The following DENND1B variants were observed in gnomAD, a reference collection of about 807,000 sequenced individuals.
The protein encoded by DENND1B is DENN domain-containing protein 1B.
Under a neutral mutation model 90.1 loss-of-function variants are expected in DENND1B, and 59 were observed. That is an observed-to-expected ratio of 0.65 (90% CI 0.53 to 0.81). The LOEUF is 0.81. Among genes scored for constraint, DENND1B ranks in the 40% least tolerant of loss-of-function variants. DENND1B has a pLI of 0.00. For missense variants in DENND1B, 862 were observed against 912.6 expected, an observed-to-expected ratio of 0.94 and a Z score of 0.71; for synonymous variants, 337 against 324.6, an observed-to-expected ratio of 1.04 and a Z score of -0.41.
At chr1:197,571,803 A>G (rs1673179816) in intron 15 of DENND1B, among the ~76,000 whole-genome samples, 1 of 152,212 alleles carries the variant, frequency 6.6e-6, no homozygotes, top group South Asian at 2.1e-4. Context: ...GACACACAGA[A>G]AAAAGAGTAC....
intron 2 of DENND1B, among the ~76,000 whole-genome samples, chr1:197,771,203 T>A (rs78078904): frequency 0.015 from 2,235 of 152,242 alleles, 57 homozygotes; most frequent in African/African-American, 0.052. Flanking sequence ...TGAGCCACCG[T>A]GCCACGCCTT....
At chr1:197,721,649 A>C (rs952895397) in intron 2 of DENND1B, among the ~76,000 whole-genome samples, 1 of 152,026 alleles carries the variant, frequency 6.6e-6, no homozygotes, top group Non-Finnish European at 1.5e-5. Flanking sequence ...AAATATAAAT[A>C]TTCTTTAAAA....
intron 12 of DENND1B, 74 bp from the exon 13 acceptor site, chr1:197,607,248 A>T (rs1285426915): frequency 2.9e-6 from 3 of 1,030,896 alleles, no homozygotes; most frequent in Non-Finnish European, 4.1e-6. Context: ...TTGGAAACAG[A>T]AAACATTATC....
In DENND1B at chr1:197,721,065, A is replaced by ATTTTTTTTTT. The variant is rs11371047; in HGVS notation, c.83-6001_83-5992dup. Reference sequence around the variant, plus strand: ...TTCTGAGGTGGGCCTGAGAAACGGCATTTTTTTTTTTTTTTTTTTTTTGAG... The same window carrying ATTTTTTTTTT: ...TTCTGAGGTGGGCCTGAGAAACGGCATTTTTTTTTTTTTTTTTTTTTTTTTTTTTTTTGAG... On this transcript the variant is annotated intron_variant, in intron 2 of 22. Coordinates refer to ENST00000620048, the MANE Select transcript of DENND1B (RefSeq NM_001195215.2). Among the ~76,000 whole-genome samples the ATTTTTTTTTT allele has an allele frequency of 5.1e-5, 5 of 98,970 alleles. 1 individual carries two copies. Among genetic ancestry groups the ATTTTTTTTTT allele is most frequent in the Non-Finnish European group, 9.5e-5 (5 of 52,842 alleles). 64.9% of individuals were successfully genotyped at this position (98,970 alleles called of 152,430 possible). A position where few individuals can be genotyped will look rare whatever the true frequency, so the allele number is the denominator to read the frequency against.
chr1:197,626,821 A>G (rs2125885527), intron 10 of DENND1B, among the ~76,000 whole-genome samples: 1 of 152,180 alleles, frequency 6.6e-6, no homozygotes, highest in South Asian at 2.1e-4. Context: ...AATCAAATAG[A>G]TGGAAAAAAA....
At chr1:197,596,702 T>C (rs12747786) in intron 13 of DENND1B, among the ~76,000 whole-genome samples, 23,915 of 151,756 alleles carry the variant, frequency 0.16, 2,157 homozygotes, top group Non-Finnish European at 0.2. Flanking sequence ...CACATATATC[T>C]ATGCAAGAAG....
intron 2 of DENND1B, among the ~76,000 whole-genome samples, chr1:197,736,968 G>GCAAGACAT (rs1303421876): frequency 2.0e-5 from 3 of 152,158 alleles, no homozygotes; most frequent in Non-Finnish European, 2.9e-5. Flanking sequence ...TAGCATTTAT[G>GCAAGACAT]CAAGACATCA....
intron 10 of DENND1B, among the ~76,000 whole-genome samples, chr1:197,622,807 G>A (rs1360291455): frequency 6.6e-6 from 1 of 151,410 alleles, no homozygotes; most frequent in African/African-American, 2.4e-5. Context: ...AATCTGATTT[G>A]TTCCTTCTTC....
intron 15 of DENND1B, among the ~76,000 whole-genome samples, chr1:197,572,906 A>G (rs1673305185): frequency 6.6e-6 from 1 of 152,134 alleles, no homozygotes; most frequent in Admixed American, 6.5e-5. Flanking sequence ...CCAAAACCCC[A>G]TCTGTAGGCA....
chr1:197,703,112 C>T (rs1235607715), intron 3 of DENND1B, among the ~76,000 whole-genome samples: 2 of 151,940 alleles, frequency 1.3e-5, no homozygotes, highest in Admixed American at 1.3e-4. Context: ...CTCAGTCTCC[C>T]AAGTAGCTGG....
At chr1:197,629,205 C>T (rs2125891913) in intron 10 of DENND1B, among the ~76,000 whole-genome samples, 1 of 152,150 alleles carries the variant, frequency 6.6e-6, no homozygotes, top group Non-Finnish European at 1.5e-5. Flanking sequence ...ATAAATCATG[C>T]TGCTATAAAG....
intron 10 of DENND1B, among the ~76,000 whole-genome samples, chr1:197,624,977 A>C (rs1678531451): frequency 6.6e-6 from 1 of 151,994 alleles, no homozygotes; most frequent in African/African-American, 2.4e-5. Context: ...AAAAAGAATA[A>C]AAAGAAACAA....
At chr1:197,584,062 A>T (rs1379446135) in intron 14 of DENND1B, among the ~76,000 whole-genome samples, 1 of 152,220 alleles carries the variant, frequency 6.6e-6, no homozygotes, top group Non-Finnish European at 1.5e-5. Context: ...AATAAAAATG[A>T]TTCCTTCATT....
chr1:197,667,115 A>C (rs1203177352), intron 5 of DENND1B, among the ~76,000 whole-genome samples: 1 of 151,610 alleles, frequency 6.6e-6, no homozygotes, highest in Non-Finnish European at 1.5e-5. Flanking sequence ...GCCTGGCCGC[A>C]GAGCGAGACT....
chr1:197,659,788 CAAAG>C (rs2125957016), intron 5 of DENND1B, among the ~76,000 whole-genome samples: 1 of 151,954 alleles, frequency 6.6e-6, no homozygotes, highest in Admixed American at 6.6e-5. Flanking sequence ...AACAGTATCT[CAAAG>C]AAAAAAGCCC....
chr1:197,573,097 G>T (rs1464576939), intron 15 of DENND1B, among the ~76,000 whole-genome samples: 7 of 152,064 alleles, frequency 4.6e-5, no homozygotes, highest in Admixed American at 1.3e-4. Flanking sequence ...CCAGCTCCTG[G>T]ATTCATTAAT....
intron 3 of DENND1B, among the ~76,000 whole-genome samples, chr1:197,707,584 TTATATACATATATTATATACATA>T (rs925769926): frequency 1.4e-5 from 2 of 147,682 alleles, no homozygotes; most frequent in African/African-American, 4.9e-5. Context: ...ATGCATATAT[TTATATACATATATTATATACATA>T]TATATACATA....
chr1:197,774,922 C>T (rs1191387855), intron 1 of DENND1B, among the ~76,000 whole-genome samples: 1 of 152,120 alleles, frequency 6.6e-6, no homozygotes, highest in East Asian at 1.9e-4. Flanking sequence ...GCGCCAACCA[C>T]GGAGGGCCGG....
chr1:197,732,819 T>G (rs771224570), intron 2 of DENND1B, among the ~76,000 whole-genome samples: 23 of 152,216 alleles, frequency 1.5e-4, no homozygotes, highest in Non-Finnish European at 2.9e-4. Context: ...TGTAACTACA[T>G]TCTTGGTATT....
Sources: allele counts gnomAD v4.1 joint callset (sites outside exome capture counted in the v4.1 genomes callset), GRCh38; gene constraint gnomAD v4.1.1; transcripts MANE v1.5; gene names NCBI Gene and HGNC (gene_info 2026-07-23, HGNC 2026-07-21).